Variants in RABL2A observed in about 807,000 individuals in gnomAD.
The protein encoded by RABL2A is RAB, member of RAS oncogene family like 2A.
RABL2A carries 17 observed loss-of-function variants against 30.7 expected under a neutral mutation model. That is an observed-to-expected ratio of 0.55 (90% CI 0.38 to 0.83). RABL2A has a LOEUF of 0.83. Ranked by LOEUF, RABL2A falls within the 40% of genes least tolerant of loss-of-function variation. The pLI is 0.00. For synonymous variants in RABL2A, 64 were observed against 101.8 expected, an observed-to-expected ratio of 0.63 and a Z score of 2.24; for missense variants, 155 against 272.6, an observed-to-expected ratio of 0.57 and a Z score of 3.04.
At chr2:113,630,387 A>C (rs529255905) in intron 2 of RABL2A, among the ~76,000 whole-genome samples, 7 of 152,086 alleles carry the variant, frequency 4.6e-5, no homozygotes, top group Non-Finnish European at 8.8e-5. Context: ...GGGCTAAAAC[A>C]CCCATTAAGA....
intron 2 of RABL2A, among the ~76,000 whole-genome samples, chr2:113,629,375 T>C (rs1029635139): frequency 3.9e-5 from 6 of 152,230 alleles, no homozygotes; most frequent in African/African-American, 2.4e-5. Flanking sequence ...CCTTGGTTTC[T>C]ACCTTCATTT....
chr2:113,637,867 T>C, intron 5 of RABL2A: 1 of 1,244,546 alleles, frequency 8.0e-7, no homozygotes, highest in Non-Finnish European at 1.0e-6. Context: ...TCTGAAGGCC[T>C]GGGGTGTCTC....
At chr2:113,628,853 G>A (rs1003637709) in intron 2 of RABL2A, 140 bp downstream of exon 2, 13 of 1,534,422 alleles carry the variant, frequency 8.5e-6, no homozygotes, top group Non-Finnish European at 1.1e-5. Flanking sequence ...GTTCATGGGG[G>A]AACGAGGGGA....
intron 2 of RABL2A, among the ~76,000 whole-genome samples, chr2:113,630,261 G>A (rs1398714951): frequency 2.0e-5 from 3 of 152,228 alleles, no homozygotes; most frequent in Admixed American, 6.5e-5. Flanking sequence ...GACCATGATG[G>A]AAACAGTGCA....
intron 6 of RABL2A, 57 bp from the exon 7 acceptor site, chr2:113,641,296 C>G (rs560101663): frequency 5.0e-6 from 8 of 1,611,470 alleles, no homozygotes; most frequent in Middle Eastern, 1.7e-4. Flanking sequence ...CAGTGGCCCC[C>G]CCTCCAAACC....
Position 113,635,079 on chromosome 2 carries a change from G to A in RABL2A, c.246G>A (p.Arg82=). 1 of 1,614,206 alleles carries A rather than the reference G, an allele frequency of 6.2e-7. No individual in the cohort carries two copies. The highest frequency in any genetic ancestry group is 8.5e-7 in the Non-Finnish European group (1 of 1,180,032). ...VDFWDTAGQE[R]FQSMHASYYH... Reference sequence around the variant, plus strand: ...TTTGGGACACGGCAGGCCAGGAGCGGTTCCAGAGCATGCATGCCTCCTACT... The same window carrying A: ...TTTGGGACACGGCAGGCCAGGAGCGATTCCAGAGCATGCATGCCTCCTACT... The change falls in exon 5 of 9, where the codon CGG becomes CGA. Residue 82 remains arginine (R), a synonymous_variant. Coordinates refer to ENST00000683472, the MANE Select transcript of RABL2A (RefSeq NM_001306158.2).
At position 113,637,324 on chromosome 2, in the gene RABL2A, G is replaced by A. The variant is rs533337853; in HGVS notation, c.297+2194G>A. ...GCCCTGCTTCAATGCCACCACCTCC[G>A]TGCAGCCTCCTCTGATGTTTGTCAT... On this transcript the variant is annotated intron_variant, in intron 5 of 8. Transcript: ENST00000683472. 1.6e-5 allele frequency: 16 copies of A among 996,072 alleles called. No individual in the cohort carries two copies. The Admixed American group carries it at 3.3e-4, about 21-fold the overall frequency. The allele number at this position is 996,072 out of a possible 1,614,324, so 61.7% of individuals were successfully genotyped here.
chr2:113,637,433 T>C, intron 5 of RABL2A: 1 of 1,097,658 alleles, frequency 9.1e-7, no homozygotes. Flanking sequence ...TGCAGGATGC[T>C]GGGAATGCCC....
intron 3 of RABL2A, chr2:113,633,946 C>T (rs1681459290): frequency 2.6e-6 from 3 of 1,147,812 alleles, no homozygotes; most frequent in South Asian, 3.1e-5. Flanking sequence ...ACACTCTCAT[C>T]TCCTCCCACC....
intron 5 of RABL2A, chr2:113,638,492 G>A (rs1365797279): frequency 9.1e-6 from 9 of 985,290 alleles, no homozygotes; most frequent in Non-Finnish European, 1.1e-5. Flanking sequence ...AAGGCTCACT[G>A]TAGCAGCAGC....
In RABL2A at chr2:113,642,959, C is replaced by A. The variant is rs1372359894; in HGVS notation, c.*830C>A. On this transcript the variant is annotated 3_prime_UTR_variant, in exon 9 of 9. Transcript: ENST00000683472. Reference sequence around the variant, plus strand: ...CTGTTTTTAAACAATCGTTTTTGAGCAGATAGCTATTCATTCCAGATTTCC... The same window carrying A: ...CTGTTTTTAAACAATCGTTTTTGAGAAGATAGCTATTCATTCCAGATTTCC... The A allele has an allele frequency of 8.9e-6, 3 of 336,476 alleles. No homozygotes were observed. The highest frequency in any genetic ancestry group is 8.8e-5 in the Admixed American group (2 of 22,754). The allele number at this position is 336,476 out of a possible 1,614,324, so 20.8% of individuals were successfully genotyped here.
chr2:113,630,082 G>C (rs1027994158), intron 2 of RABL2A, among the ~76,000 whole-genome samples: 6 of 152,168 alleles, frequency 3.9e-5, no homozygotes, highest in African/African-American at 1.4e-4. Context: ...TTCAATGCTA[G>C]TCTCTTTATA....
chr2:113,639,439 T>C (rs1387822593), intron 5 of RABL2A, among the ~76,000 whole-genome samples: 1 of 148,192 alleles, frequency 6.7e-6, no homozygotes, highest in African/African-American at 2.5e-5. Context: ...CTGGCCAACA[T>C]GATGAAACCC....
In RABL2A at chr2:113,642,544, TA is replaced by T. The variant is rs1685559685; in HGVS notation, c.*416del. ...CTTGGGCTTCTCCTGAGGTAATGAT[TA>T]CCCCCCCACCCACAGCTGAGTCTGT... On this transcript the variant is annotated 3_prime_UTR_variant, in exon 9 of 9. Coordinates refer to ENST00000683472, the MANE Select transcript of RABL2A (RefSeq NM_001306158.2). 3.9e-6 allele frequency: 1 copy of T among 257,370 alleles called. No individual in the cohort carries two copies. Among genetic ancestry groups the T allele is most frequent in the African/African-American group, 2.3e-5 (1 of 43,514 alleles). 15.9% of individuals were successfully genotyped at this position (257,370 alleles called of 1,614,324 possible). A position where few individuals can be genotyped will look rare whatever the true frequency, so the allele number is the denominator to read the frequency against.
chr2:113,639,346 G>T (rs558760024), intron 5 of RABL2A, among the ~76,000 whole-genome samples: 1 of 152,208 alleles, frequency 6.6e-6, no homozygotes, highest in African/African-American at 2.4e-5. Context: ...AATCAGCCAG[G>T]TGCAGTAGCT....
At chr2:113,637,811 G>A (rs1683515444) in intron 5 of RABL2A, 6 of 1,283,194 alleles carry the variant, frequency 4.7e-6, no homozygotes, top group African/African-American at 1.5e-5. Flanking sequence ...TGGAGTGACT[G>A]CTTCCTGCAT....
Position 113,634,160 on chromosome 2 carries a change from C to T in RABL2A, c.145C>T (p.Gln49Ter). 1 of 1,611,534 alleles carries T rather than the reference C, an allele frequency of 6.2e-7. No homozygotes were observed. The highest frequency in any genetic ancestry group is 8.5e-7 in the Non-Finnish European group (1 of 1,178,692). ...TCCTTAACCTGAGTGCAGTCAGCCA[C>T]AGCAGCTGTCCACGTACGCCCTGAC... ...ERFLMDGFQP[Q>*]QLSTYALTLY... The change falls in exon 4 of 9, where the codon CAG becomes TAG. Residue 49 changes from glutamine to a stop codon, truncating the protein, a stop_gained. Transcript: ENST00000683472. LOFTEE classifies it high-confidence loss of function.
rs1220843476 is a variant in RABL2A at position 113,634,243 on chromosome 2, C to T, written c.217+11C>T. ...AGACCATCCTTGTGGGTAAGTGGCA[C>T]AGGGCCAAGACATGCTGACCCTCAG... On this transcript the variant is annotated intron_variant, in intron 4 of 8. Coordinates refer to ENST00000683472, the MANE Select transcript of RABL2A (RefSeq NM_001306158.2). 4 of 1,607,606 alleles carry T rather than the reference C, an allele frequency of 2.5e-6. No homozygotes were observed. The highest frequency in any genetic ancestry group is 3.4e-6 in the Non-Finnish European group (4 of 1,176,894).
At chr2:113,635,425 C>T (rs537181608) in intron 5 of RABL2A, 2 of 463,778 alleles carry the variant, frequency 4.3e-6, no homozygotes, top group East Asian at 9.1e-5. Context: ...GCCACAGTCC[C>T]TCTGATGGAC....
Sources: allele counts gnomAD v4.1 joint callset (sites outside exome capture counted in the v4.1 genomes callset), GRCh38; gene constraint gnomAD v4.1.1; transcripts MANE v1.5; gene names NCBI Gene and HGNC (gene_info 2026-07-23, HGNC 2026-07-21).